MYO1D: variants seen among roughly 807,000 people sequenced by gnomAD.
The protein encoded by MYO1D is unconventional myosin-Id.
A neutral mutation model predicts 122.0 loss-of-function variants in MYO1D; 83 were observed. That is an observed-to-expected ratio of 0.68 (90% confidence interval 0.57 to 0.82). The LOEUF is 0.82. Ranked by LOEUF, MYO1D falls within the 40% of genes least tolerant of loss-of-function variation. The probability of loss-of-function intolerance (pLI) is 0.00; values close to 1 mark genes in which losing one functional copy is unlikely to be tolerated. For missense variants in MYO1D, 1,157 were observed against 1,269.5 expected, an observed-to-expected ratio of 0.91 and a Z score of 1.35; for synonymous variants, 464 against 446.9, an observed-to-expected ratio of 1.04 and a Z score of -0.48.
intron 1 of MYO1D, among the ~76,000 whole-genome samples, chr17:32,786,845 G>A (rs1319807323): frequency 6.6e-5 from 10 of 151,910 alleles, no homozygotes; most frequent in African/African-American, 2.4e-4. Context: ...GTCAGTTGAA[G>A]TGAACCAGAA....
At chr17:32,612,682 CAAAAAAAAAAAAACAA>C (rs2087716789) in intron 20 of MYO1D, among the ~76,000 whole-genome samples, 1 of 23,612 alleles carries the variant, frequency 4.2e-5, no homozygotes. Context: ...AGACCCATCT[CAAAAAAAAAAAAACAA>C]AAAAAAAAAA....
intron 17 of MYO1D, among the ~76,000 whole-genome samples, chr17:32,655,740 G>GGAA (rs1317621194): frequency 7.2e-5 from 11 of 152,156 alleles, no homozygotes; most frequent in Admixed American, 6.5e-4. Flanking sequence ...AGAAGCCATC[G>GGAA]GAAGGTTTGG....
intron 21 of MYO1D, among the ~76,000 whole-genome samples, chr17:32,553,772 C>T (rs1484358696): frequency 6.6e-6 from 1 of 152,080 alleles, no homozygotes; most frequent in Non-Finnish European, 1.5e-5. Context: ...TGTTTTTCTT[C>T]TTCTTCTCCA....
intron 19 of MYO1D, among the ~76,000 whole-genome samples, chr17:32,639,752 T>A (rs1043383133): frequency 6.6e-6 from 1 of 152,092 alleles, no homozygotes; most frequent in Non-Finnish European, 1.5e-5. Context: ...CACTACGATA[T>A]CATGTTTTTC....
intron 14 of MYO1D, among the ~76,000 whole-genome samples, chr17:32,732,201 G>T (rs1487022306): frequency 6.6e-6 from 1 of 152,222 alleles, no homozygotes; most frequent in Non-Finnish European, 1.5e-5. Context: ...GACTCTGTGG[G>T]TGCTGTGGAT....
chr17:32,590,629 T>C (rs1010240457), intron 21 of MYO1D, among the ~76,000 whole-genome samples: 4 of 152,194 alleles, frequency 2.6e-5, no homozygotes, highest in Admixed American at 2.6e-4. Flanking sequence ...ACAGTGTTTG[T>C]GGCAGATAAA....
At chr17:32,838,556 C>T (rs555944392) in intron 1 of MYO1D, among the ~76,000 whole-genome samples, 63 of 151,972 alleles carry the variant, frequency 4.1e-4, no homozygotes, top group Admixed American at 2.8e-3. Context: ...AACAGACAGA[C>T]GGGAAAAGTA....
Position 32,735,919 on chromosome 17 carries a change from A to C in MYO1D, c.1746+2334T>G, listed in dbSNP as rs565869625. 2.4e-4 allele frequency among the ~76,000 whole-genome samples: 37 copies of C among 151,886 alleles called. 1 individual carries two copies. The highest frequency in any genetic ancestry group is 5.8e-4 in the African/African-American group (24 of 41,424). Reference sequence around the variant, plus strand: ...ACGTCTTTGTTTTTGAGCTTTCTGCATAGTGTTATTTATGTGTGTCTCCTC... The same window carrying C: ...ACGTCTTTGTTTTTGAGCTTTCTGCCTAGTGTTATTTATGTGTGTCTCCTC... On this transcript the variant is annotated intron_variant, in intron 14 of 21. Transcript: ENST00000318217.
chr17:32,567,706 T>A (rs225207), intron 21 of MYO1D, among the ~76,000 whole-genome samples: 29,014 of 152,164 alleles, frequency 0.19, 3,049 homozygotes, highest in East Asian at 0.26. Flanking sequence ...CATTCTTTCA[T>A]CATTCTTAGT....
At chr17:32,719,142 C>A (rs902897952) in intron 15 of MYO1D, among the ~76,000 whole-genome samples, 3 of 152,184 alleles carry the variant, frequency 2.0e-5, no homozygotes, top group Non-Finnish European at 4.4e-5. Flanking sequence ...CCTAGATGCT[C>A]AAGCCAAAAT....
At chr17:32,581,588 T>TC (rs879385584) in intron 21 of MYO1D, among the ~76,000 whole-genome samples, 16 of 151,532 alleles carry the variant, frequency 1.1e-4, no homozygotes, top group Non-Finnish European at 1.9e-4. Flanking sequence ...TCTTTTTTTT[T>TC]CCCGACAGGG....
At chr17:32,759,343 CTCTT>C (rs1340229526) in intron 10 of MYO1D, among the ~76,000 whole-genome samples, 3 of 152,012 alleles carry the variant, frequency 2.0e-5, no homozygotes, top group Non-Finnish European at 4.4e-5. Context: ...ATATCACTGT[CTCTT>C]TATTTCAGAA....
intron 21 of MYO1D, among the ~76,000 whole-genome samples, chr17:32,599,772 C>T (rs556209661): frequency 6.6e-6 from 1 of 152,330 alleles, no homozygotes; most frequent in Admixed American, 6.5e-5. Context: ...CCTATCTCAG[C>T]ATCCCAAGTA....
At chr17:32,543,573 CAA>C (rs1910918429) in intron 21 of MYO1D, among the ~76,000 whole-genome samples, 2 of 107,850 alleles carry the variant, frequency 1.9e-5, no homozygotes, top group African/African-American at 7.3e-5. Context: ...GACTCTGTCT[CAA>C]AAACAAACAA....
At chr17:32,837,232 C>A (rs1598143443) in intron 1 of MYO1D, among the ~76,000 whole-genome samples, 1 of 129,094 alleles carries the variant, frequency 7.7e-6, no homozygotes, top group African/African-American at 2.8e-5. Flanking sequence ...TGGTTATCTT[C>A]TTTTCAAAGT....
chr17:32,783,479 A>G (rs928213728), intron 1 of MYO1D, among the ~76,000 whole-genome samples: 4 of 152,232 alleles, frequency 2.6e-5, no homozygotes. Flanking sequence ...ACTTGAGCCC[A>G]GGAGTTTGGG....
chr17:32,667,472 T>A (rs756771097), intron 16 of MYO1D, among the ~76,000 whole-genome samples: 2 of 152,204 alleles, frequency 1.3e-5, no homozygotes, highest in Non-Finnish European at 2.9e-5. Context: ...TTCCTTCGTT[T>A]TACAGATAAA....
chr17:32,779,148 G>T (rs937517880), intron 2 of MYO1D, among the ~76,000 whole-genome samples: 1 of 152,116 alleles, frequency 6.6e-6, no homozygotes, highest in Non-Finnish European at 1.5e-5. Flanking sequence ...AAGTATCTTC[G>T]AAATGTTAAA....
chr17:32,732,508 C>A (rs2089652874), intron 14 of MYO1D, among the ~76,000 whole-genome samples: 1 of 152,100 alleles, frequency 6.6e-6, no homozygotes, highest in Admixed American at 6.5e-5. Flanking sequence ...GGACGACCTG[C>A]CTGCAGAGAG....
Sources: allele counts gnomAD v4.1 joint callset (sites outside exome capture counted in the v4.1 genomes callset), GRCh38; gene constraint gnomAD v4.1.1; transcripts MANE v1.5; gene names NCBI Gene and HGNC (gene_info 2026-07-23, HGNC 2026-07-21).